The following CYBB variants were observed in gnomAD, a reference collection of about 807,000 sequenced individuals.
The protein encoded by CYBB is NADPH oxidase 2.
CYBB carries 5 observed loss-of-function variants against 46.5 expected under a neutral mutation model. The ratio of observed to expected loss-of-function variants is 0.11; its 90% confidence interval spans 0.06 to 0.23. The LOEUF (loss-of-function observed/expected upper bound fraction) is 0.23. CYBB is among the 10% of genes least tolerant of loss of function. The probability of loss-of-function intolerance (pLI) is 1.00; values close to 1 mark genes in which losing one functional copy is unlikely to be tolerated. For missense variants in CYBB, 307 were observed against 428.3 expected (o/e 0.72, Z 2.50); for synonymous variants, 183 against 156.7 (o/e 1.17, Z -1.26).
At chrX:37,795,550 G>A (rs782358159) in intron 5 of CYBB, among the ~76,000 whole-genome samples, 1 of 111,945 alleles carries the variant, frequency 8.9e-6, no homozygotes, top group East Asian at 2.8e-4. Flanking sequence ...ATGATGTTCA[G>A]CATTCCCAGA....
At chrX:37,799,187 T>G in intron 7 of CYBB, 103 bp downstream of exon 7, 2 of 793,676 alleles carry the variant, frequency 2.5e-6, no homozygotes, top group East Asian at 3.2e-5. Context: ...AGATGTCCAT[T>G]ACAAATGTCA....
chrX:37,788,481 G>A (rs1929123995), intron 3 of CYBB, among the ~76,000 whole-genome samples: 1 of 111,726 alleles, frequency 9.0e-6, no homozygotes, highest in African/African-American at 3.3e-5. Context: ...TTTCACACAG[G>A]AAGCTTACCT....
chrX:37,781,696 C>T (rs1451978732), intron 1 of CYBB, among the ~76,000 whole-genome samples: 1 of 109,914 alleles, frequency 9.1e-6, no homozygotes, highest in African/African-American at 3.5e-5. Flanking sequence ...GAACAGAACG[C>T]AGTGTCATAC....
At chrX:37,784,506 G>A (rs1177693048) in intron 3 of CYBB, among the ~76,000 whole-genome samples, 1 of 111,406 alleles carries the variant, frequency 9.0e-6, no homozygotes, top group Admixed American at 9.6e-5. Flanking sequence ...AGAAGCACAG[G>A]AAATAGTGAG....
chrX:37,800,165 C>A (rs1248279235), intron 7 of CYBB, among the ~76,000 whole-genome samples: 4 of 111,410 alleles, frequency 3.6e-5, no homozygotes, highest in African/African-American at 1.3e-4. Context: ...TCGATGACAG[C>A]TGGAGTCAGA....
In CYBB at chrX:37,813,146, T is replaced by C. The variant is rs1929707427; in HGVS notation, c.*2229T>C. ...ATAAGAGTGCTTGTCATTATAAAAG[T>C]TTCCTTTTTTATTCTCTCAAGCCAC... On this transcript the variant is annotated 3_prime_UTR_variant, in exon 13 of 13. Transcript: ENST00000378588. 1 of 109,595 alleles carries C rather than the reference T, an allele frequency of 9.1e-6. No individual in the cohort carries two copies. The highest frequency in any genetic ancestry group is 2.7e-4 in the East Asian group (1 of 3,642). The allele number at this position is 109,595 out of a possible 1,213,427, so 9.0% of individuals were successfully genotyped here.
At chrX:37,808,350 A>G (rs1323052848) in intron 11 of CYBB, among the ~76,000 whole-genome samples, 4 of 112,216 alleles carry the variant, frequency 3.6e-5, no homozygotes, top group Non-Finnish European at 5.6e-5. Flanking sequence ...CCCTTAACTC[A>G]TTCATAAGGG....
chrX:37,807,609 AAGT>A (rs1389039414), intron 11 of CYBB, among the ~76,000 whole-genome samples: 3 of 111,040 alleles, frequency 2.7e-5, no homozygotes, highest in Admixed American at 1.9e-4. Context: ...AGCACCCAAC[AAGT>A]AAGTGACAGA....
chrX:37,780,218 T>A (rs1174221449), intron 1 of CYBB, 96 bp downstream of exon 1: 4 of 732,750 alleles, frequency 5.5e-6, no homozygotes, highest in African/African-American at 2.1e-5. Context: ...ATTTGAGGAA[T>A]TGTGTTGAAA....
At chrX:37,795,856 G>A (rs1158567951) in intron 5 of CYBB, 95 bp from the exon 6 acceptor site, 6 of 651,534 alleles carry the variant, frequency 9.2e-6, no homozygotes, top group Non-Finnish European at 1.2e-5. Flanking sequence ...TAATAGTCCT[G>A]CATTTGAGAA....
At chrX:37,786,980 A>G (rs781980853) in intron 3 of CYBB, among the ~76,000 whole-genome samples, 1 of 111,025 alleles carries the variant, frequency 9.0e-6, no homozygotes, top group Non-Finnish European at 1.9e-5. Flanking sequence ...AAGTATATTA[A>G]TTGTTTAAGT....
At position 37,798,977 on chromosome X, in the gene CYBB, G is replaced by A. The variant is rs374931542; in HGVS notation, c.697G>A (p.Ala233Thr). 58 of 1,205,912 alleles carry A rather than the reference G, an allele frequency of 4.8e-5. No homozygotes were observed. Among genetic ancestry groups the A allele is most frequent in the Middle Eastern group, 2.3e-4 (1 of 4,344 alleles). ...CAGACGAATTGTACGTGGGCAGACC[G>A]CAGAGAGTTTGGCTGTGCATAATAT... is the stretch of plus-strand genomic sequence containing the variant. Reference protein sequence around the residue: ...GAERIVRGQTAESLAVHNITV... With the variant: ...GAERIVRGQTTESLAVHNITV... Residue 233 changes from alanine to threonine, a missense_variant, in exon 7 of 13, where the codon GCA (alanine) becomes ACA (threonine). Transcript: ENST00000378588.
At chrX:37,805,226 G>A (rs1929535675) in intron 10 of CYBB, 58 bp downstream of exon 10, 6 of 1,133,180 alleles carry the variant, frequency 5.3e-6, no homozygotes, top group Non-Finnish European at 7.2e-6. Flanking sequence ...TGCCATGTGA[G>A]GCCTGAGAGT....
chrX:37,785,712 TC>T (rs1366753258), intron 3 of CYBB, among the ~76,000 whole-genome samples: 2 of 111,443 alleles, frequency 1.8e-5, no homozygotes, highest in Non-Finnish European at 3.8e-5. Context: ...CCTGGCGAGT[TC>T]CTTGTTTCTA....
At chrX:37,806,581 CT>C in intron 11 of CYBB, 48 bp downstream of exon 11, 1 of 1,121,226 alleles carries the variant, frequency 8.9e-7, no homozygotes, top group Non-Finnish European at 1.2e-6. Flanking sequence ...GTGTACAGGG[CT>C]TACGAACTTC....
intron 2 of CYBB, among the ~76,000 whole-genome samples, chrX:37,782,811 TTATTA>T (rs1305733580): frequency 9.0e-6 from 1 of 111,355 alleles, no homozygotes; most frequent in Non-Finnish European, 1.9e-5. Flanking sequence ...TTAATATTAA[TTATTA>T]TAAGTATTAT....
Position 37,799,403 on chromosome X carries a change from C to G in CYBB, c.804+319C>G, listed in dbSNP as rs782721332. 5.4e-5 allele frequency among the ~76,000 whole-genome samples: 6 copies of G among 111,762 alleles called. No homozygotes were observed. The Admixed American group carries it at 5.7e-4, about 11-fold the overall frequency. On this transcript the variant is annotated intron_variant, in intron 7 of 12. Transcript: ENST00000378588. ...CCAGCTAATGATTTTTAGGGGGACA[C>G]TTGGGATTCCATCTTGAGCTGAGTT...
chrX:37,791,947 A>G, intron 3 of CYBB, 28 bp from the exon 4 acceptor site: 1 of 1,094,707 alleles, frequency 9.1e-7, no homozygotes, highest in Non-Finnish European at 1.3e-6. Context: ...AACAATTACT[A>G]TTCCATTCTT....
chrX:37,782,577 T>C (rs1232539189), intron 2 of CYBB, among the ~76,000 whole-genome samples: 1 of 112,568 alleles, frequency 8.9e-6, no homozygotes, highest in Non-Finnish European at 1.9e-5. Context: ...TGAAGAGCTC[T>C]GCTCCTAATC....
Sources: gnomAD v4.1 joint callset for allele counts (sites outside exome capture counted in the v4.1 genomes callset) on GRCh38, gnomAD v4.1.1 for gene constraint, MANE v1.5 for transcripts, NCBI Gene and HGNC (gene_info 2026-07-23, HGNC 2026-07-21) for gene names.